Variants in RYK observed in about 807,000 individuals in gnomAD.
RYK encodes receptor like tyrosine kinase, also known as inactive tyrosine-protein kinase RYK.
Under a neutral mutation model 70.2 loss-of-function variants are expected in RYK, and 21 were observed. That is an observed-to-expected ratio of 0.30 (90% CI 0.21 to 0.43). The LOEUF (loss-of-function observed/expected upper bound fraction) is 0.43, where lower values mean the gene tolerates loss of function less well. RYK is among the 20% of genes least tolerant of loss of function. The probability of loss-of-function intolerance (pLI) is 1.00; values close to 1 mark genes in which losing one functional copy is unlikely to be tolerated. For missense variants in RYK, 604 were observed against 753.3 expected, an observed-to-expected ratio of 0.80 and a Z score of 2.32; for synonymous variants, 267 against 278.0, an observed-to-expected ratio of 0.96 and a Z score of 0.39.
chr3:134,230,763 G>T (rs1435301079), intron 1 of RYK, among the ~76,000 whole-genome samples: 1 of 152,106 alleles, frequency 6.6e-6, no homozygotes, highest in East Asian at 1.9e-4. Flanking sequence ...GGTTACATAG[G>T]TGTATGCATT....
intron 8 of RYK, among the ~76,000 whole-genome samples, chr3:134,189,308 C>T (rs1576511748): frequency 6.6e-6 from 1 of 152,106 alleles, no homozygotes; most frequent in South Asian, 2.1e-4. Flanking sequence ...TCCTCTCTAC[C>T]GCAGAGCCTT....
rs369915431 is a variant in RYK at position 134,202,706 on chromosome 3, T to G, written c.788+24A>C. On this transcript the variant is annotated intron_variant, in intron 6 of 14. Transcript: ENST00000623711. The stretch of plus-strand genomic sequence containing the variant: ...TACAAATAACTGCTTTCATTTTTTT[T>G]CTTTCCCAAAATATGTACAATACCT... 5.7e-4 allele frequency: 914 copies of G among 1,606,886 alleles called. 2 individuals are homozygous for G. The highest frequency in any genetic ancestry group is 1.3e-3 in the Middle Eastern group (6 of 4,606).
chr3:134,173,412 A>G (rs1033843577), intron 13 of RYK, among the ~76,000 whole-genome samples: 3 of 152,244 alleles, frequency 2.0e-5, no homozygotes, highest in Non-Finnish European at 4.4e-5. Flanking sequence ...TGCTATGAAT[A>G]AATACCCAAG....
chr3:134,210,019 G>C (rs2014339259), intron 3 of RYK, among the ~76,000 whole-genome samples, 190 bp from the exon 4 acceptor site: 1 of 152,118 alleles, frequency 6.6e-6, no homozygotes, highest in African/African-American at 2.4e-5. Flanking sequence ...TAGACATTAA[G>C]CATTTAATTC....
Position 134,250,505 on chromosome 3 carries a change from CG to C in RYK, c.149del (p.Pro50ArgfsTer15). ...AAGCCGACTGCAGCTCCGGGGGCCG[CG>C]GGGCGGGGGCGGCGGCAGCGCCAGG... is the stretch of plus-strand genomic sequence containing the variant. ...PAPGAAAAPA[P>X]RPPELQSASA... is the part of the protein sequence containing the mutation. On this transcript the variant is annotated frameshift_variant, in exon 1 of 15. Transcript: ENST00000623711. LOFTEE classifies it high-confidence loss of function. 1 of 1,267,084 alleles carries C rather than the reference CG, an allele frequency of 7.9e-7. No individual in the cohort carries two copies. Among genetic ancestry groups the C allele is most frequent in the Non-Finnish European group, 9.9e-7 (1 of 1,005,406 alleles). 78.5% of individuals were successfully genotyped at this position (1,267,084 alleles called of 1,614,324 possible). A position where few individuals can be genotyped will look rare whatever the true frequency, so the allele number is the denominator to read the frequency against.
At chr3:134,219,708 G>T (rs1193484768) in intron 2 of RYK, among the ~76,000 whole-genome samples, 3 of 152,142 alleles carry the variant, frequency 2.0e-5, no homozygotes, top group Non-Finnish European at 4.4e-5. Flanking sequence ...AGTTGCAAGG[G>T]AACTTAAAAT....
chr3:134,227,880 A>G (rs1197756609), intron 1 of RYK, among the ~76,000 whole-genome samples: 1 of 152,132 alleles, frequency 6.6e-6, no homozygotes, highest in Admixed American at 6.6e-5. Flanking sequence ...TCACCATGTT[A>G]GCCAGGATAG....
At position 134,190,740 on chromosome 3, in the gene RYK, C is replaced by A. The variant is rs939830828; in HGVS notation, c.1015+1109G>T. Among the ~76,000 whole-genome samples, 6 of 152,250 alleles carry A rather than the reference C, an allele frequency of 3.9e-5. No individual in the cohort carries two copies. In the East Asian group the frequency reaches 9.7e-4, roughly 25 times the overall value. ...GAAAAACTCTACCTGGTTCAGAATT[C>A]CTTCTTCTCAAATCATACCACTACA... On this transcript the variant is annotated intron_variant, in intron 8 of 14. Coordinates refer to ENST00000623711, the MANE Select transcript of RYK (RefSeq NM_002958.4).
At chr3:134,236,887 T>C (rs537962124) in intron 1 of RYK, among the ~76,000 whole-genome samples, 3 of 152,188 alleles carry the variant, frequency 2.0e-5, no homozygotes, top group Non-Finnish European at 4.4e-5. Flanking sequence ...GTCATTAGAA[T>C]GCACAGAATT....
At chr3:134,158,933 T>C (rs767760615) in intron 14 of RYK, among the ~76,000 whole-genome samples, 87 of 152,248 alleles carry the variant, frequency 5.7e-4, no homozygotes, top group Non-Finnish European at 1.0e-3. Flanking sequence ...AAAAGTCAGA[T>C]ACTCACTTTA....
intron 13 of RYK, among the ~76,000 whole-genome samples, chr3:134,167,793 G>C (rs2012733388): frequency 6.6e-6 from 1 of 152,174 alleles, no homozygotes; most frequent in Non-Finnish European, 1.5e-5. Context: ...TTAAACTAAA[G>C]AGCTTCTGCA....
intron 1 of RYK, among the ~76,000 whole-genome samples, chr3:134,245,215 A>T (rs73861351): frequency 1.2e-3 from 190 of 152,314 alleles, no homozygotes; most frequent in African/African-American, 4.4e-3. Context: ...AACTACTACT[A>T]CAACCACCAT....
At chr3:134,220,857 GA>G (rs1278706019) in intron 2 of RYK, among the ~76,000 whole-genome samples, 10 of 152,164 alleles carry the variant, frequency 6.6e-5, no homozygotes, top group Admixed American at 6.5e-4. Context: ...CCTATAAAAT[GA>G]AATGAGGGAA....
intron 9 of RYK, 47 bp from the exon 10 acceptor site, chr3:134,183,118 A>G: frequency 8.9e-7 from 1 of 1,122,926 alleles, no homozygotes; most frequent in Non-Finnish European, 1.3e-6. Context: ...TACTACATAT[A>G]TGGCATTAAC....
chr3:134,181,092 T>A (rs2013279691), intron 10 of RYK: 1 of 152,244 alleles, frequency 6.6e-6, no homozygotes, highest in Non-Finnish European at 1.5e-5. Flanking sequence ...AAATCCTGGC[T>A]TTGTCTACAT....
chr3:134,250,397 G>C lies in RYK; in HGVS notation c.232+26C>G, dbSNP rs866874602. On this transcript the variant is annotated intron_variant, in intron 1 of 14. Coordinates refer to ENST00000623711, the MANE Select transcript of RYK (RefSeq NM_002958.4). ...CTGCCCCAGCCGGCCCGACCTGCCC[G>C]CCCCGGCCTCGGCGGCCCCACTCAC... 8.1e-6 allele frequency: 11 copies of C among 1,353,366 alleles called. No individual in the cohort carries two copies. In the African/African-American group the frequency reaches 1.5e-4, roughly 19 times the overall value. The allele number at this position is 1,353,366 out of a possible 1,614,324, so 83.8% of individuals were successfully genotyped here. A position where few individuals can be genotyped will look rare whatever the true frequency, so the allele number is the denominator to read the frequency against.
chr3:134,243,698 G>C (rs2015382162), intron 1 of RYK, among the ~76,000 whole-genome samples: 1 of 152,058 alleles, frequency 6.6e-6, no homozygotes, highest in Non-Finnish European at 1.5e-5. Context: ...GCTCTTTTCT[G>C]CCTATCAAAT....
At chr3:134,188,722 C>T (rs946429245) in intron 9 of RYK, 115 bp downstream of exon 9, 29 of 641,582 alleles carry the variant, frequency 4.5e-5, no homozygotes, top group Non-Finnish European at 7.3e-5. Context: ...GCTAAATTAA[C>T]ACTGACTGAT....
chr3:134,191,704 A>G, intron 8 of RYK, 145 bp downstream of exon 8: 1 of 617,604 alleles, frequency 1.6e-6, no homozygotes, highest in Non-Finnish European at 2.6e-6. Flanking sequence ...AATGAAAATA[A>G]TTTTTATAAA....
Sources: gnomAD v4.1 joint callset for allele counts (sites outside exome capture counted in the v4.1 genomes callset) on GRCh38, gnomAD v4.1.1 for gene constraint, MANE v1.5 for transcripts, NCBI Gene and HGNC (gene_info 2026-07-23, HGNC 2026-07-21) for gene names.